TTLL5: variants seen among roughly 807,000 people sequenced by gnomAD.
TTLL5 encodes the protein tubulin tyrosine ligase like 5.
Under a neutral mutation model 168.4 loss-of-function variants are expected in TTLL5, and 132 were observed. That is an observed-to-expected ratio of 0.78 (90% CI 0.68 to 0.91). TTLL5 has a LOEUF of 0.91. TTLL5 is among the 40% of genes least tolerant of loss of function. The pLI is 0.00. For missense variants in TTLL5, 1,545 were observed against 1,581.5 expected (o/e 0.98, Z 0.39); for synonymous variants, 546 against 558.6 (o/e 0.98, Z 0.32).
intron 28 of TTLL5, among the ~76,000 whole-genome samples, chr14:75,841,893 G>T (rs1349024957): frequency 6.6e-6 from 1 of 152,118 alleles, no homozygotes; most frequent in Admixed American, 6.5e-5. Context: ...GTATTTTTCT[G>T]TGATGTTTTT....
chr14:75,922,091 T>G (rs2033847971), intron 31 of TTLL5, among the ~76,000 whole-genome samples: 1 of 152,216 alleles, frequency 6.6e-6, no homozygotes. Flanking sequence ...TTTTGTATCC[T>G]GAGACTTGGT....
Position 75,869,912 on chromosome 14 carries a change from C to T in TTLL5, c.3522+6050C>T, listed in dbSNP as rs368648056. On this transcript the variant is annotated intron_variant, in intron 29 of 31. Coordinates refer to ENST00000298832, the MANE Select transcript of TTLL5 (RefSeq NM_015072.5). ...TCAGCTCACTGCAACGTCTGCCTCC[C>T]GGGTTCAAGCGATTCCCCTGCCTCA... Among the ~76,000 whole-genome samples, 12 of 138,794 alleles carry T rather than the reference C, an allele frequency of 8.6e-5. No homozygotes were observed. In the South Asian group the frequency reaches 9.7e-4, roughly 11 times the overall value. 91.1% of individuals were successfully genotyped at this position (138,794 alleles called of 152,430 possible). A position where few individuals can be genotyped will look rare whatever the true frequency, so the allele number is the denominator to read the frequency against.
rs376620161 is a variant in TTLL5, at chr14:75,885,317, C to T, written c.3740+2415C>T. 4.6e-5 allele frequency among the ~76,000 whole-genome samples: 7 copies of T among 152,094 alleles called. No individual in the cohort carries two copies. The East Asian group carries it at 5.8e-4, about 13-fold the overall frequency. ...CATCCTAACTAACATGGTGAAACCCCGTCTCTACTAAAAATACAAAAAAAA... is the reference window on the plus strand; with the variant it reads ...CATCCTAACTAACATGGTGAAACCCTGTCTCTACTAAAAATACAAAAAAAA... On this transcript the variant is annotated intron_variant, in intron 30 of 31. Transcript: ENST00000298832.
Position 75,889,766 on chromosome 14 carries a change from G to C in TTLL5, c.3740+6864G>C, listed in dbSNP as rs34018380. ...AATCGCTCGAGCCTGGGATGTGGAGGTTGCAGTGAGCCAAGATTGCGCCAC... is the reference window on the plus strand; with the variant it reads ...AATCGCTCGAGCCTGGGATGTGGAGCTTGCAGTGAGCCAAGATTGCGCCAC... On this transcript the variant is annotated intron_variant, in intron 30 of 31. Coordinates refer to ENST00000298832, the MANE Select transcript of TTLL5 (RefSeq NM_015072.5). Among the ~76,000 whole-genome samples the C allele has an allele frequency of 7.2e-3, 1,076 of 149,182 alleles. 6 individuals are homozygous for C. Among genetic ancestry groups the C allele is most frequent in the Non-Finnish European group, 0.011 (774 of 67,464 alleles).
At chr14:75,951,406 T>C (rs1224019656) in intron 31 of TTLL5, among the ~76,000 whole-genome samples, 1 of 152,136 alleles carries the variant, frequency 6.6e-6, no homozygotes, top group African/African-American at 2.4e-5. Flanking sequence ...CATGTCTAAA[T>C]ACAATCTAAT....
chr14:75,806,777 G>T (rs190422448), intron 27 of TTLL5, among the ~76,000 whole-genome samples: 1 of 152,112 alleles, frequency 6.6e-6, no homozygotes, highest in African/African-American at 2.4e-5. Flanking sequence ...GTGCTGATTC[G>T]ACTGGACTAC....
chr14:75,931,927 A>G (rs905913337), intron 31 of TTLL5, among the ~76,000 whole-genome samples: 5 of 152,202 alleles, frequency 3.3e-5, no homozygotes, highest in Admixed American at 1.3e-4. Flanking sequence ...CCACTAGATT[A>G]TTAAGTCCCA....
intron 29 of TTLL5, 64 bp downstream of exon 29, chr14:75,863,926 A>AAAAAAAAAAAAAG (rs1325156608): frequency 3.0e-5 from 38 of 1,257,766 alleles, no homozygotes; most frequent in Admixed American, 1.3e-4. Context: ...AAAAAAAAAA[A>AAAAAAAAAAAAAG]AAAAAAAAGG....
intron 18 of TTLL5, among the ~76,000 whole-genome samples, chr14:75,756,518 T>A (rs2140281048): frequency 6.6e-6 from 1 of 152,216 alleles, no homozygotes; most frequent in African/African-American, 2.4e-5. Context: ...GGACTTTTTT[T>A]TTTTTTTGAG....
chr14:75,812,020 G>C (rs1267397517), intron 27 of TTLL5, among the ~76,000 whole-genome samples: 1 of 152,144 alleles, frequency 6.6e-6, no homozygotes, highest in Non-Finnish European at 1.5e-5. Context: ...CACCTGTCTA[G>C]ATGGTATGCA....
intron 21 of TTLL5, among the ~76,000 whole-genome samples, chr14:75,772,727 G>T (rs1042607973): frequency 6.6e-6 from 1 of 151,372 alleles, no homozygotes; most frequent in Non-Finnish European, 1.5e-5. Context: ...GAGTGCAGTG[G>T]TGCGATCTCA....
chr14:75,870,982 G>A (rs904644278), intron 29 of TTLL5, among the ~76,000 whole-genome samples: 4 of 151,912 alleles, frequency 2.6e-5, no homozygotes, highest in African/African-American at 9.7e-5. Context: ...TTTTAGTAGA[G>A]ACAGGGTTTC....
intron 12 of TTLL5, chr14:75,727,800 T>A (rs1158520690): frequency 2.0e-6 from 1 of 492,712 alleles, no homozygotes; most frequent in Non-Finnish European, 4.1e-6. Context: ...TGTGAAATTC[T>A]AGAATAAGCA....
At chr14:75,710,439 A>ACACAG (rs1566823395) in intron 9 of TTLL5, 6 of 133,386 alleles carry the variant, frequency 4.5e-5, no homozygotes, top group African/African-American at 1.7e-4. Flanking sequence ...CACACACACA[A>ACACAG]TGGATGTTTT....
chr14:75,708,289 T>G (rs1371856319), intron 9 of TTLL5, among the ~76,000 whole-genome samples: 1 of 151,958 alleles, frequency 6.6e-6, no homozygotes, highest in African/African-American at 2.4e-5. Flanking sequence ...ATTGAGGGTT[T>G]TTTTTTTTTT....
chr14:75,919,197 C>CAAAAAAAAAAAAAAAAAAAAA (rs10655974), intron 31 of TTLL5, among the ~76,000 whole-genome samples: 2 of 56,114 alleles, frequency 3.6e-5, no homozygotes, highest in Admixed American at 3.0e-4. Flanking sequence ...AAGACCGTCT[C>CAAAAAAAAAAAAAAAAAAAAA]AAAAAAAAAA....
chr14:75,789,203 A>T (rs1436151586), intron 26 of TTLL5, among the ~76,000 whole-genome samples: 1 of 152,186 alleles, frequency 6.6e-6, no homozygotes, highest in African/African-American at 2.4e-5. Context: ...GCCCATTAAC[A>T]TTCCTTCTGT....
In TTLL5 at chr14:75,730,783, G is replaced by A. The variant is rs188377789; in HGVS notation, c.1043-1555G>A. ...CACCCAGGCTGGAGTGCAGTGGTGC[G>A]GTCTCAGCTCATTTCAACCTCCACC... On this transcript the variant is annotated intron_variant, in intron 12 of 31. Transcript: ENST00000298832. 1.0e-3 allele frequency among the ~76,000 whole-genome samples: 152 copies of A among 151,908 alleles called. 1 individual carries two copies. Among genetic ancestry groups the A allele is most frequent in the African/African-American group, 3.4e-3 (142 of 41,408 alleles).
chr14:75,899,716 G>A (rs77337366), intron 30 of TTLL5, among the ~76,000 whole-genome samples: 1 of 152,280 alleles, frequency 6.6e-6, no homozygotes, highest in African/African-American at 2.4e-5. Context: ...GGGAACCAGG[G>A]ACCATAGGGT....
Sources: gnomAD v4.1 joint callset for allele counts (sites outside exome capture counted in the v4.1 genomes callset) on GRCh38, gnomAD v4.1.1 for gene constraint, MANE v1.5 for transcripts, NCBI Gene and HGNC (gene_info 2026-07-23, HGNC 2026-07-21) for gene names.